SLC6A4: variants seen among roughly 807,000 people sequenced by gnomAD.
SLC6A4 encodes the protein solute carrier family 6 member 4, also known as sodium-dependent serotonin transporter.
SLC6A4 carries 22 observed loss-of-function variants against 73.4 expected under a neutral mutation model. That is an observed-to-expected ratio of 0.30 (90% confidence interval 0.21 to 0.43). The LOEUF (loss-of-function observed/expected upper bound fraction) is 0.43. Among genes scored for constraint, SLC6A4 ranks in the 20% least tolerant of loss-of-function variants. The pLI is 1.00. For synonymous variants in SLC6A4, 270 were observed against 315.5 expected, an observed-to-expected ratio of 0.86 and a Z score of 1.53; for missense variants, 593 against 808.5, an observed-to-expected ratio of 0.73 and a Z score of 3.23.
chr17:30,215,061 C>G (rs577121702), intron 8 of SLC6A4, among the ~76,000 whole-genome samples: 12 of 112,192 alleles, frequency 1.1e-4, no homozygotes, highest in Non-Finnish European at 2.3e-4. Context: ...CTCTCTCTCT[C>G]TTTCTCTCTC....
At chr17:30,201,890 C>G (rs375308943) in intron 14 of SLC6A4, among the ~76,000 whole-genome samples, 2 of 152,140 alleles carry the variant, frequency 1.3e-5, no homozygotes, top group Admixed American at 1.3e-4. Context: ...GAGGATTGAG[C>G]TCAGGAGTTT....
intron 13 of SLC6A4, chr17:30,203,645 G>T: frequency 3.0e-6 from 1 of 337,374 alleles, no homozygotes; most frequent in Non-Finnish European, 5.5e-6. Flanking sequence ...TCCCACTTCA[G>T]CACAGGCCTC....
At chr17:30,229,011 T>C (rs893120258) in intron 1 of SLC6A4, among the ~76,000 whole-genome samples, 2 of 152,184 alleles carry the variant, frequency 1.3e-5, no homozygotes, top group Admixed American at 6.5e-5. Context: ...GGTGCTGCTC[T>C]TTCTCTCCTC....
Position 30,198,175 on chromosome 17 carries a change from G to C in SLC6A4, c.*281C>G. 1 of 361,658 alleles carries C rather than the reference G, an allele frequency of 2.8e-6. No individual in the cohort carries two copies. The highest frequency in any genetic ancestry group is 5.0e-6 in the Non-Finnish European group (1 of 201,718). 22.4% of individuals were successfully genotyped at this position (361,658 alleles called of 1,614,324 possible). A position where few individuals can be genotyped will look rare whatever the true frequency, so the allele number is the denominator to read the frequency against. Reference sequence around the variant, plus strand: ...GATTCTAAACCTAATCCTAACTGATGATAGGGTGGTTTTCATCACCTCCAT... The same window carrying C: ...GATTCTAAACCTAATCCTAACTGATCATAGGGTGGTTTTCATCACCTCCAT... On this transcript the variant is annotated 3_prime_UTR_variant, in exon 15 of 15. Transcript: ENST00000650711.
chr17:30,204,261 T>C (rs569340071), intron 13 of SLC6A4: 1 of 152,044 alleles, frequency 6.6e-6, no homozygotes, highest in African/African-American at 2.4e-5. Context: ...AAGACAGTAA[T>C]GTGAATTATT....
At chr17:30,230,519 G>A (rs1482491620) in intron 1 of SLC6A4, among the ~76,000 whole-genome samples, 1 of 152,172 alleles carries the variant, frequency 6.6e-6, no homozygotes, top group African/African-American at 2.4e-5. Context: ...GGTCCACAAA[G>A]GGACCCAAAA....
chr17:30,201,528 C>T (rs1386019810), intron 14 of SLC6A4, among the ~76,000 whole-genome samples: 1 of 152,180 alleles, frequency 6.6e-6, no homozygotes, highest in Non-Finnish European at 1.5e-5. Context: ...ATTTATTAAC[C>T]TAACACAGTT....
chr17:30,224,841 G>A (rs950881152), intron 1 of SLC6A4, among the ~76,000 whole-genome samples: 4 of 152,130 alleles, frequency 2.6e-5, no homozygotes, highest in Non-Finnish European at 4.4e-5. Flanking sequence ...TGAGGGCAAC[G>A]TGTGTTCTCA....
chr17:30,225,908 G>A (rs761186900), intron 1 of SLC6A4, among the ~76,000 whole-genome samples: 3 of 152,138 alleles, frequency 2.0e-5, no homozygotes, highest in South Asian at 2.1e-4. Context: ...ACTTCTGATC[G>A]AATCTCCATT....
intron 9 of SLC6A4, 104 bp downstream of exon 9, chr17:30,212,636 T>A: frequency 7.2e-7 from 1 of 1,391,070 alleles, no homozygotes; most frequent in South Asian, 1.3e-5. Flanking sequence ...CTTTGGAAAA[T>A]TTCAGGAACA....
intron 1 of SLC6A4, among the ~76,000 whole-genome samples, chr17:30,230,380 G>T (rs1235946317): frequency 6.6e-6 from 1 of 152,178 alleles, no homozygotes; most frequent in Non-Finnish European, 1.5e-5. Flanking sequence ...TTACTGTTGT[G>T]ATAAATACAA....
chr17:30,201,461 G>A (rs138349479), intron 14 of SLC6A4, among the ~76,000 whole-genome samples: 9 of 152,268 alleles, frequency 5.9e-5, no homozygotes, highest in African/African-American at 2.2e-4. Flanking sequence ...GCCAACTGGG[G>A]GAATTTGTGA....
chr17:30,223,501 GGCTATAAACATGA>G (rs1426110658), intron 1 of SLC6A4, among the ~76,000 whole-genome samples: 1 of 152,196 alleles, frequency 6.6e-6, no homozygotes, highest in Non-Finnish European at 1.5e-5. Flanking sequence ...GAATGACTAT[GGCTATAAACATGA>G]GCAAGGATTA....
intron 7 of SLC6A4, 80 bp from the exon 8 acceptor site, chr17:30,215,794 G>C: frequency 8.1e-7 from 1 of 1,227,442 alleles, no homozygotes; most frequent in Non-Finnish European, 1.2e-6. Context: ...CGCCACTCCT[G>C]CCTCCATGTG....
chr17:30,210,690 A>G (rs1567817621), intron 10 of SLC6A4, 44 bp from the exon 11 acceptor site: 1 of 1,586,160 alleles, frequency 6.3e-7, no homozygotes, highest in South Asian at 1.1e-5. Flanking sequence ...CTTTGGGACA[A>G]GGCTGTGGCC....
At chr17:30,221,059 C>A (rs1332383253) in intron 3 of SLC6A4, among the ~76,000 whole-genome samples, 4 of 150,620 alleles carry the variant, frequency 2.7e-5, no homozygotes, top group South Asian at 2.1e-4. Context: ...TCACTGCAAC[C>A]TCCACCTCCC....
intron 14 of SLC6A4, among the ~76,000 whole-genome samples, chr17:30,202,181 T>C (rs192952375): frequency 1.3e-5 from 2 of 152,340 alleles, no homozygotes; most frequent in African/African-American, 4.8e-5. Flanking sequence ...TGTGATGGAC[T>C]CATGTCTAAA....
intron 6 of SLC6A4, 137 bp downstream of exon 6, chr17:30,217,029 G>A (rs1186113080): frequency 1.3e-6 from 1 of 762,060 alleles, no homozygotes; most frequent in Non-Finnish European, 2.1e-6. Flanking sequence ...CAAATGCGGT[G>A]AAGAGAGAGA....
At chr17:30,198,659 T>A (rs9913038) in intron 14 of SLC6A4, 129 bp from the exon 15 acceptor site, 2 of 558,530 alleles carry the variant, frequency 3.6e-6, no homozygotes, top group African/African-American at 3.8e-5. Flanking sequence ...GTTGGAATAG[T>A]CTCACTGACA....
Sources: gnomAD v4.1 joint callset for allele counts (sites outside exome capture counted in the v4.1 genomes callset) on GRCh38, gnomAD v4.1.1 for gene constraint, MANE v1.5 for transcripts, NCBI Gene and HGNC (gene_info 2026-07-23, HGNC 2026-07-21) for gene names.